The following TASP1 variants were observed in gnomAD, a reference collection of about 807,000 sequenced individuals.
The protein encoded by TASP1 is taspase 1, also known as threonine aspartase 1.
In TASP1, 16 loss-of-function variants were observed where a neutral mutation model predicts 56.6. That is an observed-to-expected ratio of 0.28 (90% confidence interval 0.19 to 0.43). TASP1 has a LOEUF of 0.43. Among genes scored for constraint, TASP1 ranks in the 20% least tolerant of loss-of-function variants. The probability of loss-of-function intolerance (pLI) is 1.00; values close to 1 mark genes in which losing one functional copy is unlikely to be tolerated. For missense variants in TASP1, 393 were observed against 511.6 expected, an observed-to-expected ratio of 0.77 and a Z score of 2.24; for synonymous variants, 179 against 184.2, an observed-to-expected ratio of 0.97 and a Z score of 0.23.
the TASP1 span, among the ~76,000 whole-genome samples, chr20:13,137,286 G>A: frequency 6.6e-6 from 1 of 152,162 alleles, no homozygotes; most frequent in East Asian, 1.9e-4. Flanking sequence ...TGGGGAAGTT[G>A]TTGCCTTGGC....
chr20:13,237,639 G>A, the TASP1 span, among the ~76,000 whole-genome samples: 1 of 152,172 alleles, frequency 6.6e-6, no homozygotes, highest in African/African-American at 2.4e-5. Context: ...TTGCCTAGGT[G>A]TCTTCAGTTT....
the TASP1 span, among the ~76,000 whole-genome samples, chr20:13,352,313 G>A: frequency 1.3e-5 from 2 of 152,108 alleles, no homozygotes; most frequent in South Asian, 4.2e-4. Flanking sequence ...AGCCAGGCGT[G>A]GTGGAGCACG....
chr20:13,179,406 C>CATGT, the TASP1 span, among the ~76,000 whole-genome samples: 8 of 143,404 alleles, frequency 5.6e-5, no homozygotes, highest in African/African-American at 2.1e-4. Context: ...GAATTATGTG[C>CATGT]GTGTGTGTGT....
chr20:13,392,977 T>G, intron 13 of TASP1: 1 of 588,510 alleles, frequency 1.7e-6, no homozygotes, highest in Non-Finnish European at 3.2e-6. Context: ...CACCAGTATC[T>G]TCACGACCAT....
the TASP1 span, among the ~76,000 whole-genome samples, chr20:13,276,248 G>A: frequency 0.051 from 7,694 of 152,226 alleles, 258 homozygotes; most frequent in Admixed American, 0.085. Flanking sequence ...CAACAAGCAA[G>A]AAGGCTTTCC....
the TASP1 span, among the ~76,000 whole-genome samples, chr20:13,338,471 G>C: frequency 6.6e-6 from 1 of 152,126 alleles, no homozygotes; most frequent in Non-Finnish European, 1.5e-5. Flanking sequence ...CTGACCTCCT[G>C]GGAATGCAGC....
chr20:13,510,325 A>C (rs2044283197), intron 10 of TASP1, among the ~76,000 whole-genome samples: 1 of 152,174 alleles, frequency 6.6e-6, no homozygotes, highest in South Asian at 2.1e-4. Flanking sequence ...TTCAAACACA[A>C]CTAGGAATCT....
the TASP1 span, among the ~76,000 whole-genome samples, chr20:13,318,682 CCAGTGCTATT>C: frequency 6.6e-6 from 1 of 152,152 alleles, no homozygotes; most frequent in African/African-American, 2.4e-5. Flanking sequence ...TGCTGGCTAT[CCAGTGCTATT>C]CAGTGCTAAT....
intron 5 of TASP1, among the ~76,000 whole-genome samples, chr20:13,586,863 A>G (rs1389803710): frequency 2.0e-5 from 3 of 152,168 alleles, no homozygotes; most frequent in Non-Finnish European, 4.4e-5. Context: ...TATAGATAAA[A>G]GCACTGGATT....
chr20:13,425,362 A>C (rs1398849214), intron 12 of TASP1, among the ~76,000 whole-genome samples: 1 of 152,164 alleles, frequency 6.6e-6, no homozygotes, highest in East Asian at 1.9e-4. Context: ...CCATTTCCTT[A>C]CCAGGTTGCA....
chr20:13,377,072 C>A, the TASP1 span, among the ~76,000 whole-genome samples: 1 of 152,184 alleles, frequency 6.6e-6, no homozygotes, highest in South Asian at 2.1e-4. Flanking sequence ...TTATTTCTTT[C>A]TCTTGTCTGA....
chr20:13,541,134 C>CA lies in TASP1; in HGVS notation c.676-6994dup, dbSNP rs1381031691. 1.7e-4 allele frequency among the ~76,000 whole-genome samples: 26 copies of CA among 150,838 alleles called. No individual in the cohort carries two copies. In the South Asian group the frequency reaches 4.5e-3, roughly 26 times the overall value. ...ATAAAAGAGAGAAAATATTTAAAGACAAAATGGCTCAAATTTTCCAGCACT... is the reference window on the plus strand; with the variant it reads ...ATAAAAGAGAGAAAATATTTAAAGACAAAAATGGCTCAAATTTTCCAGCACT... On this transcript the variant is annotated intron_variant, in intron 8 of 13. Coordinates refer to ENST00000337743, the MANE Select transcript of TASP1 (RefSeq NM_017714.3).
chr20:13,597,153 A>G (rs2047763040), intron 4 of TASP1, among the ~76,000 whole-genome samples: 1 of 152,236 alleles, frequency 6.6e-6, no homozygotes, highest in Admixed American at 6.5e-5. Flanking sequence ...ATCAATAGAA[A>G]AAGAGAGAAT....
At chr20:13,221,727 CGCCGCCGCCG>C in the TASP1 span, 1 of 1,338,526 alleles carries the variant, frequency 7.5e-7, no homozygotes, top group East Asian at 3.2e-5. Context: ...GCGTCACCGC[CGCCGCCGCCG>C]GCCGCCGCGC....
chr20:13,302,968 G>A, the TASP1 span, among the ~76,000 whole-genome samples: 1 of 152,220 alleles, frequency 6.6e-6, no homozygotes, highest in Non-Finnish European at 1.5e-5. Context: ...AGAGTTCTCT[G>A]TCTTAACGCC....
chr20:13,569,546 G>A lies in TASP1; in HGVS notation c.529C>T (p.His177Tyr). Residue 177 changes from histidine (H) to tyrosine (Y), a missense_variant, in exon 7 of 14, where the codon CAT (histidine) becomes TAT (tyrosine). Coordinates refer to ENST00000337743, the MANE Select transcript of TASP1 (RefSeq NM_017714.3). ...TTAGGAGGGCAAGAGGGTATTCCAT[G>A]ATCTACTGCCCATCTGTAGGCTCCT... ...GEGAYRWAVD[H>Y]GIPSCPPNIM... is the part of the protein sequence containing the mutation. The A allele has an allele frequency of 6.2e-7, 1 of 1,612,488 alleles. No individual in the cohort carries two copies. Among genetic ancestry groups the A allele is most frequent in the Middle Eastern group, 1.7e-4 (1 of 5,938 alleles).
chr20:13,270,354 C>T, the TASP1 span: 1 of 812,586 alleles, frequency 1.2e-6, no homozygotes, highest in Non-Finnish European at 1.9e-6. Context: ...GAAACTAAAC[C>T]ATGGGTTTGC....
chr20:13,289,437 G>A, the TASP1 span, among the ~76,000 whole-genome samples: 89 of 152,314 alleles, frequency 5.8e-4, no homozygotes, highest in African/African-American at 1.9e-3. Flanking sequence ...ACTTTATACT[G>A]CATTGTCAGT....
At chr20:13,318,157 A>AAATAAATAAATG in the TASP1 span, among the ~76,000 whole-genome samples, 1 of 151,612 alleles carries the variant, frequency 6.6e-6, no homozygotes, top group Non-Finnish European at 1.5e-5. Flanking sequence ...ATAAATAAAT[A>AAATAAATAAATG]AATAAAAATG....
Sources: allele counts gnomAD v4.1 joint callset (sites outside exome capture counted in the v4.1 genomes callset), GRCh38; gene constraint gnomAD v4.1.1; transcripts MANE v1.5; gene names NCBI Gene and HGNC (gene_info 2026-07-23, HGNC 2026-07-21).